The following CNTNAP2 variants were observed in gnomAD, a reference collection of about 807,000 sequenced individuals.
CNTNAP2 encodes contactin associated protein 2, also known as contactin-associated protein-like 2.
CNTNAP2 carries 98 observed loss-of-function variants against 155.2 expected under a neutral mutation model. That is an observed-to-expected ratio of 0.63 (90% confidence interval 0.54 to 0.75). The LOEUF (loss-of-function observed/expected upper bound fraction) is 0.75. Among genes scored for constraint, CNTNAP2 ranks in the 30% least tolerant of loss-of-function variants. The pLI is 0.00. For missense variants in CNTNAP2, 1,727 were observed against 1,688.1 expected (o/e 1.02, Z -0.40); for synonymous variants, 651 against 631.2 (o/e 1.03, Z -0.47).
At chr7:146,839,109 T>C (rs1408059658) in intron 2 of CNTNAP2, among the ~76,000 whole-genome samples, 2 of 152,178 alleles carry the variant, frequency 1.3e-5, no homozygotes, top group East Asian at 1.9e-4. Flanking sequence ...TCTAGAAATA[T>C]GACTTACAAG....
At chr7:147,148,859 G>A (rs1206202713) in intron 8 of CNTNAP2, among the ~76,000 whole-genome samples, 1 of 152,014 alleles carries the variant, frequency 6.6e-6, no homozygotes, top group Non-Finnish European at 1.5e-5. Flanking sequence ...AGAGTTGTTT[G>A]TTCCTCCAGG....
At position 147,601,636 on chromosome 7, in the gene CNTNAP2, T is replaced by TAAAAA. The variant is rs370619019; in HGVS notation, c.1898-37465_1898-37461dup. Among the ~76,000 whole-genome samples, 551 of 69,082 alleles carry TAAAAA rather than the reference T, an allele frequency of 8.0e-3. 6 individuals are homozygous for TAAAAA. Among genetic ancestry groups the TAAAAA allele is most frequent in the African/African-American group, 0.03 (466 of 15,636 alleles). 45.3% of individuals were successfully genotyped at this position (69,082 alleles called of 152,430 possible). A position where few individuals can be genotyped will look rare whatever the true frequency, so the allele number is the denominator to read the frequency against. On this transcript the variant is annotated intron_variant, in intron 12 of 23. Transcript: ENST00000361727. Reference sequence around the variant, plus strand: ...TGTATCTCTTAAAGACATTGACTCTTAAAAAAAAATATATATATATATATA... The same window carrying TAAAAA: ...TGTATCTCTTAAAGACATTGACTCTTAAAAAAAAAAAAAATATATATATATATATA...
intron 15 of CNTNAP2, among the ~76,000 whole-genome samples, chr7:148,085,788 T>C (rs1047963079): frequency 6.6e-6 from 1 of 152,002 alleles, no homozygotes; most frequent in African/African-American, 2.4e-5. Context: ...GGCATGAACA[T>C]GGCACACTTC....
chr7:147,807,757 G>A (rs951047170), intron 13 of CNTNAP2, among the ~76,000 whole-genome samples: 12 of 152,254 alleles, frequency 7.9e-5, no homozygotes, highest in African/African-American at 2.9e-4. Flanking sequence ...AGGTTTTCTA[G>A]AAACATGAGT....
chr7:146,247,772 G>A (rs1329888294), intron 1 of CNTNAP2, among the ~76,000 whole-genome samples: 1 of 152,150 alleles, frequency 6.6e-6, no homozygotes, highest in Non-Finnish European at 1.5e-5. Flanking sequence ...GAGAGGTGAA[G>A]AGGTTTTAAG....
intron 1 of CNTNAP2, among the ~76,000 whole-genome samples, chr7:146,647,274 C>A (rs1799830632): frequency 6.6e-6 from 1 of 152,110 alleles, no homozygotes; most frequent in South Asian, 2.1e-4. Context: ...CCTTTCCTCA[C>A]CCCATTTCCT....
chr7:146,773,761 G>C (rs963428903), intron 1 of CNTNAP2, among the ~76,000 whole-genome samples: 2 of 152,258 alleles, frequency 1.3e-5, no homozygotes, highest in South Asian at 2.1e-4. Context: ...ATATCATCTA[G>C]AGGTATAATA....
At chr7:147,972,699 C>T (rs1801354798) in intron 14 of CNTNAP2, among the ~76,000 whole-genome samples, 1 of 152,146 alleles carries the variant, frequency 6.6e-6, no homozygotes, top group African/African-American at 2.4e-5. Context: ...TTCCAATGTA[C>T]AAGCCCACTA....
rs1235229101 is a variant in CNTNAP2 at position 148,087,018 on chromosome 7, A to T, written c.2384-31100A>T. Among the ~76,000 whole-genome samples, 26 of 152,180 alleles carry T rather than the reference A, an allele frequency of 1.7e-4. 1 individual carries two copies. The highest frequency in any genetic ancestry group is 1.5e-5 in the Non-Finnish European group (1 of 68,028). On this transcript the variant is annotated intron_variant, in intron 15 of 23. Coordinates refer to ENST00000361727, the MANE Select transcript of CNTNAP2 (RefSeq NM_014141.6). ...TACCTTCTTGGAAATTTAAAAAAATAGTTTATTAAGATTATTAGGGCCATT... is the reference window on the plus strand; with the variant it reads ...TACCTTCTTGGAAATTTAAAAAAATTGTTTATTAAGATTATTAGGGCCATT...
intron 4 of CNTNAP2, among the ~76,000 whole-genome samples, chr7:147,058,681 AC>A (rs1169773548): frequency 6.9e-6 from 1 of 144,656 alleles, no homozygotes; most frequent in Admixed American, 6.8e-5. Context: ...ATCTCGGCTC[AC>A]TGCAACCTCT....
At chr7:146,528,935 CGGAAGCAA>C (rs1797729565) in intron 1 of CNTNAP2, among the ~76,000 whole-genome samples, 1 of 151,778 alleles carries the variant, frequency 6.6e-6, no homozygotes, top group Admixed American at 6.6e-5. Context: ...ATCAAGAAAG[CGGAAGCAA>C]GGTTCAGTGA....
chr7:146,563,596 C>A (rs924433704), intron 1 of CNTNAP2, among the ~76,000 whole-genome samples: 1 of 152,136 alleles, frequency 6.6e-6, no homozygotes, highest in Middle Eastern at 3.4e-3. Context: ...TTCCTGGAGT[C>A]CTAATATAGT....
intron 1 of CNTNAP2, among the ~76,000 whole-genome samples, chr7:146,176,059 A>G (rs1360721634): frequency 2.0e-4 from 30 of 152,186 alleles, no homozygotes; most frequent in Admixed American, 2.0e-3. Context: ...TACATACACT[A>G]TAAATAGAAA....
chr7:146,118,368 T>C (rs1233256187), intron 1 of CNTNAP2, among the ~76,000 whole-genome samples: 2 of 152,170 alleles, frequency 1.3e-5, no homozygotes, highest in Admixed American at 6.5e-5. Context: ...AATATTTATG[T>C]CAATTTTATA....
At chr7:147,496,049 T>G (rs1054347867) in intron 11 of CNTNAP2, among the ~76,000 whole-genome samples, 1 of 152,192 alleles carries the variant, frequency 6.6e-6, no homozygotes, top group African/African-American at 2.4e-5. Flanking sequence ...GATCTGCCAC[T>G]GTTTCCCATC....
At chr7:147,217,119 G>GA (rs1470539581) in intron 8 of CNTNAP2, among the ~76,000 whole-genome samples, 9 of 151,932 alleles carry the variant, frequency 5.9e-5, no homozygotes, top group South Asian at 2.1e-4. Context: ...CATGTCATCA[G>GA]AAAAAACATG....
chr7:148,330,647 GATGGA>G (rs1563044870), intron 21 of CNTNAP2, among the ~76,000 whole-genome samples: 1 of 149,356 alleles, frequency 6.7e-6, no homozygotes, highest in Non-Finnish European at 1.5e-5. Flanking sequence ...GGAGTGGACG[GATGGA>G]ATGGATGGAT....
chr7:148,012,154 G>A (rs1802092590), intron 15 of CNTNAP2, among the ~76,000 whole-genome samples: 1 of 152,204 alleles, frequency 6.6e-6, no homozygotes, highest in African/African-American at 2.4e-5. Context: ...CTGGCCTCAA[G>A]TGATCTTCCC....
chr7:148,095,788 G>A (rs1462938475), intron 15 of CNTNAP2, among the ~76,000 whole-genome samples: 1 of 152,172 alleles, frequency 6.6e-6, no homozygotes, highest in Non-Finnish European at 1.5e-5. Context: ...GTTATGCTTT[G>A]TGGAAACTAA....
Sources: allele counts gnomAD v4.1 joint callset (sites outside exome capture counted in the v4.1 genomes callset), GRCh38; gene constraint gnomAD v4.1.1; transcripts MANE v1.5; gene names NCBI Gene and HGNC (gene_info 2026-07-23, HGNC 2026-07-21).